Variants in SLC6A5 observed in about 807,000 individuals in gnomAD.
SLC6A5 encodes sodium- and chloride-dependent glycine transporter 2.
A neutral mutation model predicts 90.5 loss-of-function variants in SLC6A5; 58 were observed. That is an observed-to-expected ratio of 0.64 (90% confidence interval 0.52 to 0.80). The LOEUF (loss-of-function observed/expected upper bound fraction) is 0.80. SLC6A5 is among the 30% of genes least tolerant of loss of function. The pLI is 0.00. For missense variants in SLC6A5, 1,015 were observed against 1,017.6 expected (o/e 1.00, Z 0.03); for synonymous variants, 427 against 401.4 (o/e 1.06, Z -0.76).
intron 14 of SLC6A5, among the ~76,000 whole-genome samples, chr11:20,649,965 T>C (rs376993714): frequency 5.9e-5 from 9 of 152,240 alleles, no homozygotes; most frequent in African/African-American, 1.9e-4. Context: ...TTTGAATCAA[T>C]ATATTGAATT....
Position 20,628,087 on chromosome 11 carries a change from T to TAA in SLC6A5, c.1499+4_1499+5insAA. On this transcript the variant is annotated splice_donor_region_variant and intron_variant, in intron 9 of 15. Coordinates refer to ENST00000525748, the MANE Select transcript of SLC6A5 (RefSeq NM_004211.5). ...AATTCCACAACAACTGCTACAGGTA[T>TAA]GTAGAGGTACTACAAGATCTGGGCA... is the stretch of plus-strand genomic sequence containing the variant. 6.2e-7 allele frequency: 1 copy of TAA among 1,608,768 alleles called. No homozygotes were observed. Among genetic ancestry groups the TAA allele is most frequent in the Non-Finnish European group, 8.5e-7 (1 of 1,175,146 alleles).
At position 20,599,744 on chromosome 11, in the gene SLC6A5, G is replaced by A. The variant is rs1215861324; in HGVS notation, c.3+69G>A. 1.6e-5 allele frequency: 26 copies of A among 1,596,580 alleles called. 2 individuals are homozygous for A. Among genetic ancestry groups the A allele is most frequent in the East Asian group, 1.3e-4 (6 of 44,806 alleles). ...GGGACAGGGAAAGCAGATTCGTTTT[G>A]GCTATTTCTTTTGGAGATGTCTGTG... On this transcript the variant is annotated intron_variant, in intron 1 of 15. Transcript: ENST00000525748.
At position 20,645,116 on chromosome 11, in the gene SLC6A5, C is replaced by T. The variant is rs186028698; in HGVS notation, c.1970-1718C>T. Among the ~76,000 whole-genome samples the T allele has an allele frequency of 1.3e-3, 197 of 152,056 alleles. 1 individual carries two copies. Among genetic ancestry groups the T allele is most frequent in the African/African-American group, 4.6e-3 (190 of 41,472 alleles). ...GATAGAGCCACCATGCCTGGCCCAG[C>T]GGGTCCATTTTTTAAGGGTCTGAAT... On this transcript the variant is annotated intron_variant, in intron 13 of 15. Coordinates refer to ENST00000525748, the MANE Select transcript of SLC6A5 (RefSeq NM_004211.5).
At chr11:20,640,113 A>G (rs1263694118) in intron 13 of SLC6A5, among the ~76,000 whole-genome samples, 2 of 152,218 alleles carry the variant, frequency 1.3e-5, no homozygotes, top group African/African-American at 4.8e-5. Flanking sequence ...GAAGCCTCCA[A>G]GGTCTTTCTT....
intron 2 of SLC6A5, among the ~76,000 whole-genome samples, chr11:20,603,422 C>T (rs1292859328): frequency 6.6e-6 from 1 of 152,198 alleles, no homozygotes; most frequent in Non-Finnish European, 1.5e-5. Context: ...GATTCATAGA[C>T]TGCTGGAGCT....
chr11:20,643,288 G>A lies in SLC6A5; in HGVS notation c.1970-3546G>A, dbSNP rs146720032. On this transcript the variant is annotated intron_variant, in intron 13 of 15. Coordinates refer to ENST00000525748, the MANE Select transcript of SLC6A5 (RefSeq NM_004211.5). ...GTTGGTGCTTTATATATATTTTTGA[G>A]GGCCTCAGCTTTGACTTCTATTTAT... Among the ~76,000 whole-genome samples the A allele has an allele frequency of 4.7e-3, 710 of 151,706 alleles. 8 individuals carry two copies. The highest frequency in any genetic ancestry group is 0.021 in the Middle Eastern group (6 of 292).
chr11:20,638,493 A>G lies in SLC6A5; in HGVS notation c.1904A>G (p.Tyr635Cys). 2 of 1,613,462 alleles carry G rather than the reference A, an allele frequency of 1.2e-6. No individual in the cohort carries two copies. The highest frequency in any genetic ancestry group is 1.7e-6 in the Non-Finnish European group (2 of 1,179,454). Residue 635 changes from tyrosine to cysteine, a missense_variant, in exon 13 of 16, where the codon TAT (tyrosine) becomes TGT (cysteine). Tyr to Cys is a radical substitution (Grantham distance 194). Transcript: ENST00000525748. ...GIYMFQLVDT[Y>C]AASYALVIIA... ...TACATGTTTCAGCTTGTGGACACCT[A>G]TGCTGCCTCCTATGCCCTTGTCATC... is the stretch of plus-strand genomic sequence containing the variant.
chr11:20,632,038 A>G (rs74746204), intron 10 of SLC6A5, among the ~76,000 whole-genome samples: 4,373 of 152,220 alleles, frequency 0.029, 234 homozygotes, highest in African/African-American at 0.098. Flanking sequence ...GCAGCAATGC[A>G]CTAAATTAGA....
rs1853611713 is a variant in SLC6A5, at chr11:20,654,820, G to T, written c.2346G>T (p.Leu782Phe). Residue 782 changes from leucine to phenylalanine, a missense_variant, in exon 16 of 16, where the codon TTG becomes TTT. Around this residue, in one of 3 missense-constraint regions of SLC6A5, gnomAD observed 442 missense variants for 494.3 expected, o/e 0.89. Coordinates refer to ENST00000525748, the MANE Select transcript of SLC6A5 (RefSeq NM_004211.5). ...NMIDPLGTSS[L>F]GLKLPVKDLE... ...TCGACCCCTTGGGAACCTCTTCCTT[G>T]GGACTCAAACTGCCAGTGAAGGATT... 1 of 1,614,150 alleles carries T rather than the reference G, an allele frequency of 6.2e-7. No homozygotes were observed. The highest frequency in any genetic ancestry group is 1.7e-5 in the Admixed American group (1 of 60,032).
At chr11:20,613,153 C>T (rs561605527) in intron 5 of SLC6A5, among the ~76,000 whole-genome samples, 223 of 152,254 alleles carry the variant, frequency 1.5e-3, no homozygotes, top group Middle Eastern at 0.01. Context: ...GATGTATGAC[C>T]TTGGCTAGCC....
At position 20,607,010 on chromosome 11, in the gene SLC6A5, C is replaced by A. The variant is rs371265931; in HGVS notation, c.683C>A (p.Ala228Asp). ...CACTCCCCACTCTCTTTCCAAGGTG[C>A]TTTCCTCATCCCTTACCTGATGATG... ...PYLAFQNGGG[A>D]FLIPYLMMLA... The change falls in exon 4 of 16, where the codon GCT (alanine) becomes GAT (aspartate). Residue 228 changes from alanine (A) to aspartate (D), a missense_variant. Transcript: ENST00000525748. 11 of 1,614,014 alleles carry A rather than the reference C, an allele frequency of 6.8e-6. No individual in the cohort carries two copies. The highest frequency in any genetic ancestry group is 9.3e-6 in the Non-Finnish European group (11 of 1,180,040).
intron 6 of SLC6A5, among the ~76,000 whole-genome samples, chr11:20,615,048 T>C (rs1852760317): frequency 6.6e-6 from 1 of 152,208 alleles, no homozygotes; most frequent in African/African-American, 2.4e-5. Flanking sequence ...CTATAATTCA[T>C]GATGCTGATG....
In SLC6A5 at chr11:20,655,146, C is replaced by A. The variant is rs1004319165; in HGVS notation, c.*278C>A. 4.5e-6 allele frequency: 2 copies of A among 447,544 alleles called. No individual in the cohort carries two copies. Among genetic ancestry groups the A allele is most frequent in the Admixed American group, 3.2e-5 (1 of 30,972 alleles). 27.7% of individuals were successfully genotyped at this position (447,544 alleles called of 1,614,324 possible). ...CACGTTTTACCCTGCAGAGGAGGAT[C>A]AGTTAGGTGAGCACTGGTAGGTATG... On this transcript the variant is annotated 3_prime_UTR_variant, in exon 16 of 16. Transcript: ENST00000525748.
chr11:20,646,394 C>T (rs371019636), intron 13 of SLC6A5, among the ~76,000 whole-genome samples: 3 of 152,068 alleles, frequency 2.0e-5, no homozygotes, highest in South Asian at 2.1e-4. Flanking sequence ...GGATAAAAGC[C>T]GGTGTGCAAT....
At chr11:20,648,515 G>A (rs1853465575) in intron 14 of SLC6A5, among the ~76,000 whole-genome samples, 1 of 152,132 alleles carries the variant, frequency 6.6e-6, no homozygotes, top group African/African-American at 2.4e-5. Flanking sequence ...CATGAGAGTT[G>A]AAAAGGGTAG....
intron 6 of SLC6A5, among the ~76,000 whole-genome samples, chr11:20,617,343 A>G (rs1852800705): frequency 1.3e-5 from 2 of 152,258 alleles, no homozygotes; most frequent in African/African-American, 4.8e-5. Flanking sequence ...AAATCACACA[A>G]ATACTACCAG....
chr11:20,628,276 AC>A (rs1853041027), intron 9 of SLC6A5, among the ~76,000 whole-genome samples, 193 bp downstream of exon 9: 1 of 152,124 alleles, frequency 6.6e-6, no homozygotes, highest in African/African-American at 2.4e-5. Context: ...TCACTTACAC[AC>A]CTGGCTCTGA....
chr11:20,606,003 A>G (rs936766769), intron 3 of SLC6A5, among the ~76,000 whole-genome samples: 5 of 152,214 alleles, frequency 3.3e-5, no homozygotes, highest in Non-Finnish European at 5.9e-5. Context: ...TGAAGAGTAG[A>G]CTGGAGAAAG....
At chr11:20,620,966 A>AT (rs1022575599) in intron 7 of SLC6A5, among the ~76,000 whole-genome samples, 17 of 151,384 alleles carry the variant, frequency 1.1e-4, no homozygotes, top group East Asian at 5.9e-4. Context: ...CGCCCAGCTA[A>AT]TTTTTTTTGT....
Sources: gnomAD v4.1 joint callset for allele counts (sites outside exome capture counted in the v4.1 genomes callset) on GRCh38, gnomAD v4.1.1 for gene constraint, gnomAD v4.1.1 regional missense constraint, MANE v1.5 for transcripts, NCBI Gene and HGNC (gene_info 2026-07-23, HGNC 2026-07-21) for gene names.